TRIM5: variants seen among roughly 807,000 people sequenced by gnomAD.
TRIM5 encodes the protein tripartite motif containing 5, also known as tripartite motif-containing protein 5.
TRIM5 carries 31 observed loss-of-function variants against 35.6 expected under a neutral mutation model. That is an observed-to-expected ratio of 0.87 (90% CI 0.65 to 1.18). The LOEUF (loss-of-function observed/expected upper bound fraction) is 1.18. Ranked by LOEUF, TRIM5 falls within the 50% of genes most tolerant of loss-of-function variation. The pLI, the probability that TRIM5 is intolerant of heterozygous loss-of-function variation, is 0.00. For missense variants in TRIM5, 609 were observed against 591.6 expected, an observed-to-expected ratio of 1.03 and a Z score of -0.31; for synonymous variants, 243 against 215.6, an observed-to-expected ratio of 1.13 and a Z score of -1.11.
At chr11:5,650,393 A>C in the TRIM5 span, among the ~76,000 whole-genome samples, 92,439 of 152,074 alleles carry the variant, frequency 0.61, 28,470 homozygotes, top group African/African-American at 0.69. Flanking sequence ...CTTTCCTTCA[A>C]GGGGTACTTC....
the TRIM5 span, chr11:5,603,399 C>T: frequency 6.2e-7 from 1 of 1,612,082 alleles, no homozygotes; most frequent in Middle Eastern, 1.7e-4. Flanking sequence ...TGAGCATAGA[C>T]TGTGGCCACA....
At chr11:5,674,955 C>T (rs1851833433) in intron 4 of TRIM5, among the ~76,000 whole-genome samples, 1 of 152,158 alleles carries the variant, frequency 6.6e-6, no homozygotes, top group South Asian at 2.1e-4. Context: ...AGATGACTAT[C>T]TTCAAGAGAT....
At chr11:5,634,162 C>G in the TRIM5 span, among the ~76,000 whole-genome samples, 3 of 152,100 alleles carry the variant, frequency 2.0e-5, no homozygotes, top group African/African-American at 7.2e-5. Flanking sequence ...TCTTTTCCAA[C>G]GGGGCTCTAC....
In TRIM5 at chr11:5,665,111, G is replaced by C; in HGVS notation, c.1180C>G (p.Gln394Glu). 1.2e-6 allele frequency: 2 copies of C among 1,614,062 alleles called. No homozygotes were observed. The highest frequency in any genetic ancestry group is 1.7e-6 in the Non-Finnish European group (2 of 1,180,022). Residue 394 changes from glutamine (Q) to glutamate (E), a missense_variant, in exon 8 of 8, where the codon CAA becomes GAA. Transcript: ENST00000380034. ...MCNIEKNENY[Q>E]PKYGYWVIGL... Reference sequence around the variant, plus strand: ...ATAACCCAGTAGCCGTATTTAGGTTGATAATTTTCATTTTTTTCAATATTA... The same window carrying C: ...ATAACCCAGTAGCCGTATTTAGGTTCATAATTTTCATTTTTTTCAATATTA...
At chr11:5,610,777 T>C in the TRIM5 span, 10 of 1,613,902 alleles carry the variant, frequency 6.2e-6, no homozygotes, top group Non-Finnish European at 8.5e-6. Context: ...TTTCCTACAG[T>C]TGACGTGACC....
At chr11:5,619,509 G>C in the TRIM5 span, among the ~76,000 whole-genome samples, 1 of 146,962 alleles carries the variant, frequency 6.8e-6, no homozygotes, top group African/African-American at 2.5e-5. Context: ...TTCCACTATG[G>C]GAACTCACTT....
chr11:5,654,477 A>G, the TRIM5 span, among the ~76,000 whole-genome samples: 1 of 152,102 alleles, frequency 6.6e-6, no homozygotes, highest in Non-Finnish European at 1.5e-5. Context: ...AGTGGAGGCT[A>G]TGGTAAGGCT....
At chr11:5,629,811 C>T in the TRIM5 span, among the ~76,000 whole-genome samples, 1 of 152,144 alleles carries the variant, frequency 6.6e-6, no homozygotes, top group Non-Finnish European at 1.5e-5. Context: ...GGGTTCACGC[C>T]ATTCTCCTGC....
At chr11:5,596,403 AAGCTGAAGTATGTAGAGGAG>A in the TRIM5 span, among the ~76,000 whole-genome samples, 146,465 of 151,178 alleles carry the variant, frequency 0.97, 71,113 homozygotes, top group Middle Eastern at 1. Flanking sequence ...TCTATTCTAC[AAGCTGAAGTATGTAGAGGAG>A]GCAGCTCTGG....
the TRIM5 span, chr11:5,603,518 G>A: frequency 1.7e-5 from 28 of 1,614,078 alleles, no homozygotes; most frequent in Admixed American, 1.2e-4. Flanking sequence ...GGGAACCTGC[G>A]GCCTAATCGG....
chr11:5,603,362 T>C, the TRIM5 span: 8 of 1,614,008 alleles, frequency 5.0e-6, no homozygotes, highest in Non-Finnish European at 6.8e-6. Flanking sequence ...ACCTGCCCTA[T>C]CTGCCTGGAG....
At chr11:5,676,934 C>T (rs1339955257) in intron 4 of TRIM5, among the ~76,000 whole-genome samples, 1 of 150,974 alleles carries the variant, frequency 6.6e-6, no homozygotes, top group Non-Finnish European at 1.5e-5. Context: ...CTTCCTTACA[C>T]CTTATACAAA....
Position 5,671,325 on chromosome 11 carries a change from C to A in TRIM5, c.745-3614G>T, listed in dbSNP as rs566576831. On this transcript the variant is annotated intron_variant, in intron 4 of 7. Transcript: ENST00000380034. ...GGATTAAAAAAAAAACACAAAAAAACCCCACAAAACAATAAATAGAAAATA... is the reference window on the plus strand; with the variant it reads ...GGATTAAAAAAAAAACACAAAAAAAACCCACAAAACAATAAATAGAAAATA... 4.6e-4 allele frequency among the ~76,000 whole-genome samples: 64 copies of A among 139,272 alleles called. No individual in the cohort carries two copies. In the East Asian group the frequency reaches 0.011, roughly 24 times the overall value. 91.4% of individuals were successfully genotyped at this position (139,272 alleles called of 152,430 possible). A position where few individuals can be genotyped will look rare whatever the true frequency, so the allele number is the denominator to read the frequency against.
rs891551555 is a variant in TRIM5 at position 5,664,111 on chromosome 11, G to C, written c.*698C>G. ...AGCTACTTGGGAGGCTGAGGCAGGA[G>C]AATTGCTTGAATCTGAGAGGTGGAG... On this transcript the variant is annotated 3_prime_UTR_variant, in exon 8 of 8. Coordinates refer to ENST00000380034, the MANE Select transcript of TRIM5 (RefSeq NM_033034.3). 25 of 372,388 alleles carry C rather than the reference G, an allele frequency of 6.7e-5. No homozygotes were observed. Among genetic ancestry groups the C allele is most frequent in the African/African-American group, 4.5e-4 (20 of 44,292 alleles). The allele number at this position is 372,388 out of a possible 1,614,324, so 23.1% of individuals were successfully genotyped here.
chr11:5,592,914 C>CAAAAAAAAAAAAAAAAAAAAAAAA, the TRIM5 span, among the ~76,000 whole-genome samples: 1 of 67,190 alleles, frequency 1.5e-5, no homozygotes, highest in East Asian at 4.6e-4. Flanking sequence ...GAGATTGTCT[C>CAAAAAAAAAAAAAAAAAAAAAAAA]AAAAAAAAAA....
chr11:5,650,570 T>C, the TRIM5 span, among the ~76,000 whole-genome samples: 21,425 of 152,170 alleles, frequency 0.14, 2,015 homozygotes, highest in East Asian at 0.42. Flanking sequence ...TGAGAGTAGA[T>C]AGTGCAGCAG....
At chr11:5,595,181 C>T in the TRIM5 span, 66,479 of 151,942 alleles carry the variant, frequency 0.44, 14,879 homozygotes, top group East Asian at 0.68. Context: ...AGTCCCTTCT[C>T]TCTCTATACC....
At chr11:5,632,282 AGAG>A in the TRIM5 span, 2 of 1,612,170 alleles carry the variant, frequency 1.2e-6, no homozygotes, top group Non-Finnish European at 1.7e-6. Flanking sequence ...ACCAGAAGAG[AGAG>A]GAGAGCCTCA....
intron 1 of TRIM5, among the ~76,000 whole-genome samples, chr11:5,681,633 T>G (rs1852456513): frequency 6.6e-6 from 1 of 151,932 alleles, no homozygotes; most frequent in African/African-American, 2.4e-5. Context: ...GGCCTGGGAG[T>G]TCCTTCAGAC....
Sources: allele counts gnomAD v4.1 joint callset (sites outside exome capture counted in the v4.1 genomes callset), GRCh38; gene constraint gnomAD v4.1.1; transcripts MANE v1.5; gene names NCBI Gene and HGNC (gene_info 2026-07-23, HGNC 2026-07-21).